Variants in FAM193B observed in about 807,000 individuals in gnomAD.
The protein encoded by FAM193B is protein FAM193B.
In FAM193B, 27 loss-of-function variants were observed where a neutral mutation model predicts 70.7. The observed-to-expected ratio is 0.38, with a 90% CI of 0.28 to 0.53. The LOEUF (loss-of-function observed/expected upper bound fraction) is 0.53, where lower values mean the gene tolerates loss of function less well. Ranked by LOEUF, FAM193B falls within the 20% of genes least tolerant of loss-of-function variation. The pLI is 0.81. For missense variants in FAM193B, 1,022 were observed against 1,072.5 expected (o/e 0.95, Z 0.66); for synonymous variants, 448 against 436.0 (o/e 1.03, Z -0.34).
At chr5:177,543,341 A>G (rs1334310254) in intron 1 of FAM193B, among the ~76,000 whole-genome samples, 1 of 152,260 alleles carries the variant, frequency 6.6e-6, no homozygotes, top group Non-Finnish European at 1.5e-5. Flanking sequence ...ATTAAGTCAC[A>G]TTAGAGATAC....
At chr5:177,521,915 C>G in intron 8 of FAM193B, 59 bp downstream of exon 8, 1 of 1,355,620 alleles carries the variant, frequency 7.4e-7, no homozygotes, top group Middle Eastern at 2.0e-4. Flanking sequence ...GGTGAGCGTA[C>G]AGAGAGGGTG....
At chr5:177,529,105 T>G (rs1763069041) in intron 5 of FAM193B, among the ~76,000 whole-genome samples, 1 of 151,884 alleles carries the variant, frequency 6.6e-6, no homozygotes, top group East Asian at 2.0e-4. Flanking sequence ...AGGAGAGTCT[T>G]CAGTGGATGT....
At position 177,554,494 on chromosome 5, in the gene FAM193B, GCCGCCGCCGCCGC is replaced by G. The variant is rs1433489799; in HGVS notation, c.-49_-37del. 1.6e-3 allele frequency: 1,102 copies of G among 703,538 alleles called. 14 individuals are homozygous for G. Among genetic ancestry groups the G allele is most frequent in the African/African-American group, 0.01 (313 of 31,138 alleles). 43.6% of individuals were successfully genotyped at this position (703,538 alleles called of 1,614,324 possible). On this transcript the variant is annotated 5_prime_UTR_variant, in exon 1 of 9. Coordinates refer to ENST00000514747, the MANE Select transcript of FAM193B (RefSeq NM_001190946.3). ...GCGCCGCTCCCTCGCTCCACACGCC[GCCGCCGCCGCCGC>G]CGCCGCCGCCGCCGCCGCCGCCGCT...
chr5:177,542,782 T>C (rs1765004873), intron 1 of FAM193B, among the ~76,000 whole-genome samples: 1 of 152,220 alleles, frequency 6.6e-6, no homozygotes, highest in Admixed American at 6.5e-5. Context: ...TGTGCCTTGG[T>C]TACAGTAGTT....
chr5:177,536,209 G>C (rs1314977962), intron 4 of FAM193B, 149 bp downstream of exon 4: 8 of 923,594 alleles, frequency 8.7e-6, no homozygotes, highest in Non-Finnish European at 1.3e-5. Context: ...CACTGTGCCA[G>C]GCCAAAACAC....
chr5:177,553,792 G>A lies in FAM193B; in HGVS notation c.210+457C>T, dbSNP rs1234137849. 2.3e-6 allele frequency: 3 copies of A among 1,287,222 alleles called. No homozygotes were observed. In the East Asian group the frequency reaches 1.7e-4, roughly 71 times the overall value. The allele number at this position is 1,287,222 out of a possible 1,614,324, so 79.7% of individuals were successfully genotyped here. On this transcript the variant is annotated intron_variant, in intron 1 of 8. Coordinates refer to ENST00000514747, the MANE Select transcript of FAM193B (RefSeq NM_001190946.3). ...GAGACACAGCTGCTGAGGGGGCCGC[G>A]GCTGCAGGCGCTGCAGGGGACGGAG...
chr5:177,524,900 C>G lies in FAM193B; in HGVS notation c.1581G>C (p.Gln527His), dbSNP rs1762355805. ...PSNLSGSSEQ[Q>H]PDINLDLSPL... is the part of the protein sequence containing the mutation. ...GGGACAGGTCAAGGTTGATGTCAGG[C>G]TGCTGCTCTGAGGAGCCACTGAGGT... The change falls in exon 6 of 9, where the codon CAG becomes CAC. Residue 527 changes from glutamine to histidine, a missense_variant. Physicochemically the swap from Gln to His is conservative, Grantham distance 24. Coordinates refer to ENST00000514747, the MANE Select transcript of FAM193B (RefSeq NM_001190946.3). The G allele has an allele frequency of 6.6e-7, 1 of 1,508,814 alleles. No homozygotes were observed. Among genetic ancestry groups the G allele is most frequent in the Admixed American group, 2.4e-5 (1 of 42,396 alleles). The allele number at this position is 1,508,814 out of a possible 1,614,324, so 93.5% of individuals were successfully genotyped here.
chr5:177,554,006 G>A (rs1406872696), intron 1 of FAM193B: 1 of 1,300,912 alleles, frequency 7.7e-7, no homozygotes, highest in Non-Finnish European at 9.8e-7. Flanking sequence ...AACGCCCGGA[G>A]GCGGCGGGGA....
chr5:177,531,689 G>A, intron 5 of FAM193B: 1 of 667,758 alleles, frequency 1.5e-6, no homozygotes, highest in Non-Finnish European at 2.1e-6. Context: ...AATCCAGGCG[G>A]CAGTGGGTGA....
intron 4 of FAM193B, among the ~76,000 whole-genome samples, chr5:177,533,055 C>A (rs1004142194): frequency 6.6e-6 from 1 of 152,190 alleles, no homozygotes; most frequent in South Asian, 2.1e-4. Flanking sequence ...AGCATAACAA[C>A]CCTGCACACA....
chr5:177,542,112 A>T (rs1764927991), intron 1 of FAM193B, among the ~76,000 whole-genome samples: 1 of 152,270 alleles, frequency 6.6e-6, no homozygotes, highest in South Asian at 2.1e-4. Context: ...AATGTGTAAT[A>T]AAACGTATGA....
intron 1 of FAM193B, among the ~76,000 whole-genome samples, chr5:177,547,636 G>C (rs1765626077): frequency 6.6e-6 from 1 of 152,122 alleles, no homozygotes; most frequent in Non-Finnish European, 1.5e-5. Flanking sequence ...GTGACTTCAA[G>C]GCCTCTTTGA....
intron 4 of FAM193B, among the ~76,000 whole-genome samples, chr5:177,534,593 C>T (rs1210582381): frequency 4.0e-5 from 6 of 151,854 alleles, no homozygotes; most frequent in African/African-American, 1.5e-4. Context: ...TGAGCCACCG[C>T]GCCTGGCCAG....
Position 177,524,392 on chromosome 5 carries a change from G to T in FAM193B, c.2089C>A (p.Arg697=), listed in dbSNP as rs373410343. The change falls in exon 6 of 9, where the codon CGG becomes AGG. Residue 697 remains arginine, a synonymous_variant. Coordinates refer to ENST00000514747, the MANE Select transcript of FAM193B (RefSeq NM_001190946.3). ...CTGCCAGCCCAACCTGGTCCTGGCC[G>T]GCTCCCCCGGCTCCCCTCTCCAGCC... The part of the protein sequence containing the change: ...AEAGEGSRGS[R]PGPGWAGSPK... 4.5e-6 allele frequency: 7 copies of T among 1,569,756 alleles called. No individual in the cohort carries two copies. The highest frequency in any genetic ancestry group is 6.0e-6 in the Non-Finnish European group (7 of 1,158,852).
intron 7 of FAM193B, chr5:177,523,251 C>T (rs541117293): frequency 1.7e-4 from 64 of 366,438 alleles, no homozygotes; most frequent in African/African-American, 1.2e-3. Context: ...CCACCCGCCT[C>T]GGCCTCCCAA....
chr5:177,521,310 T>A (rs1490881206), intron 8 of FAM193B, among the ~76,000 whole-genome samples: 2 of 152,230 alleles, frequency 1.3e-5, no homozygotes, highest in Admixed American at 6.5e-5. Flanking sequence ...GTCCAGATCA[T>A]CATCTGGTAC....
chr5:177,529,036 A>G (rs1180569852), intron 5 of FAM193B, among the ~76,000 whole-genome samples: 3 of 152,104 alleles, frequency 2.0e-5, no homozygotes. Context: ...ATACTTAGCA[A>G]TGCTTACTCC....
chr5:177,549,863 TTACTTATTA>T (rs1299537136), intron 1 of FAM193B, among the ~76,000 whole-genome samples: 1 of 41,438 alleles, frequency 2.4e-5, no homozygotes, highest in Non-Finnish European at 1.4e-4. Flanking sequence ...GGTAGAATCC[TTACTTATTA>T]TAATTTTTAA....
intron 1 of FAM193B, chr5:177,553,745 G>A (rs1425682397): frequency 3.1e-6 from 4 of 1,287,812 alleles, no homozygotes; most frequent in South Asian, 1.2e-5. Flanking sequence ...CTGCTCTGCT[G>A]GGTATGGCGA....
Sources: gnomAD v4.1 joint callset for allele counts (sites outside exome capture counted in the v4.1 genomes callset) on GRCh38, gnomAD v4.1.1 for gene constraint, MANE v1.5 for transcripts, NCBI Gene and HGNC (gene_info 2026-07-23, HGNC 2026-07-21) for gene names.